DOCK5: variants seen among roughly 807,000 people sequenced by gnomAD.
The protein encoded by DOCK5 is dedicator of cytokinesis protein 5.
A neutral mutation model predicts 251.8 loss-of-function variants in DOCK5; 142 were observed. The ratio of observed to expected loss-of-function variants is 0.56; its 90% confidence interval spans 0.49 to 0.65. The LOEUF (loss-of-function observed/expected upper bound fraction) is 0.65, where lower values mean the gene tolerates loss of function less well. Ranked by LOEUF, DOCK5 falls within the 30% of genes least tolerant of loss-of-function variation. The pLI, the probability that DOCK5 is intolerant of heterozygous loss-of-function variation, is 0.00. For synonymous variants in DOCK5, 842 were observed against 835.5 expected, an observed-to-expected ratio of 1.01 and a Z score of -0.13; for missense variants, 2,111 against 2,312.3, an observed-to-expected ratio of 0.91 and a Z score of 1.79.
intron 11 of DOCK5, chr8:25,304,768 C>G (rs1804858003): frequency 6.5e-6 from 1 of 154,100 alleles, no homozygotes; most frequent in African/African-American, 2.4e-5. Context: ...CTGCCTCTGA[C>G]AAGCTCCCAG....
chr8:25,356,624 G>A (rs1162086271), intron 27 of DOCK5, among the ~76,000 whole-genome samples: 1 of 152,006 alleles, frequency 6.6e-6, no homozygotes, highest in African/African-American at 2.4e-5. Context: ...AGCCATGATC[G>A]CCACTGCACT....
At chr8:25,255,706 G>A (rs984621262) in intron 2 of DOCK5, among the ~76,000 whole-genome samples, 11 of 152,192 alleles carry the variant, frequency 7.2e-5, no homozygotes, top group Admixed American at 3.9e-4. Flanking sequence ...GTCAGTGTAG[G>A]TTTGATTGCA....
chr8:25,259,327 T>C (rs539223312), intron 2 of DOCK5, among the ~76,000 whole-genome samples: 27 of 152,250 alleles, frequency 1.8e-4, no homozygotes, highest in African/African-American at 6.5e-4. Flanking sequence ...TGGTATAAGG[T>C]AAAGCAATGA....
chr8:25,400,485 G>T (rs2117334307), intron 46 of DOCK5, among the ~76,000 whole-genome samples: 1 of 56,884 alleles, frequency 1.8e-5, no homozygotes, highest in South Asian at 7.0e-4. Context: ...GCAACAGAGT[G>T]AGACTCCATC....
chr8:25,268,766 C>A (rs1177653156), intron 2 of DOCK5, 79 bp from the exon 3 acceptor site: 27 of 1,206,856 alleles, frequency 2.2e-5, no homozygotes, highest in Non-Finnish European at 1.8e-5. Flanking sequence ...GCTAATAGAA[C>A]ATGAGAGTAT....
At chr8:25,394,836 A>G (rs2117325131) in intron 44 of DOCK5, among the ~76,000 whole-genome samples, 1 of 152,010 alleles carries the variant, frequency 6.6e-6, no homozygotes, top group African/African-American at 2.4e-5. Context: ...TCTTACCACT[A>G]TTCCAAAAAA....
At chr8:25,197,750 ATT>A (rs71214555) in intron 1 of DOCK5, among the ~76,000 whole-genome samples, 3 of 95,764 alleles carry the variant, frequency 3.1e-5, no homozygotes, top group Non-Finnish European at 6.2e-5. Context: ...TGCCAAGCTA[ATT>A]TTTTTTTTTT....
chr8:25,377,356 G>A lies in DOCK5; in HGVS notation c.3868G>A (p.Val1290Ile). Residue 1290 changes from valine to isoleucine, a missense_variant, in exon 38 of 52, where the codon GTT becomes ATT. Physicochemically the swap from Val to Ile is conservative, Grantham distance 29. This residue lies in a region of DOCK5 where 1,717 missense variants were observed against 1,892.4 expected (regional missense o/e 0.91). Coordinates refer to ENST00000276440, the MANE Select transcript of DOCK5 (RefSeq NM_024940.8). ...PHLLQKDSYYVYTQQELKEKL... is the reference protein window; with the variant it reads ...PHLLQKDSYYIYTQQELKEKL... ...TTTGCTTCAGAAGGACAGTTACTAT[G>A]TTTATACCCAGCAAGAGCTTAAAGA... 1 of 1,613,666 alleles carries A rather than the reference G, an allele frequency of 6.2e-7. No homozygotes were observed. The highest frequency in any genetic ancestry group is 8.5e-7 in the Non-Finnish European group (1 of 1,179,684).
At position 25,369,577 on chromosome 8, in the gene DOCK5, A is replaced by G; in HGVS notation, c.3460A>G (p.Lys1154Glu). 1 of 1,611,352 alleles carries G rather than the reference A, an allele frequency of 6.2e-7. No homozygotes were observed. The highest frequency in any genetic ancestry group is 8.5e-7 in the Non-Finnish European group (1 of 1,178,800). Residue 1154 changes from lysine (K) to glutamate (E), a missense_variant, in exon 34 of 52, where the codon AAG (lysine) becomes GAG (glutamate). Around this residue, in one of 3 missense-constraint regions of DOCK5, gnomAD observed 1,717 missense variants for 1,892.4 expected, o/e 0.91. Coordinates refer to ENST00000276440, the MANE Select transcript of DOCK5 (RefSeq NM_024940.8). ...FHMFENELIT[K>E]LDQEVEGGRG... Reference sequence around the variant, plus strand: ...TCAGTTTGAGAATGAGCTGATCACAAAGCTGGACCAGGAGGTAGAAGGGGG... The same window carrying G: ...TCAGTTTGAGAATGAGCTGATCACAGAGCTGGACCAGGAGGTAGAAGGGGG...
At chr8:25,274,994 G>A (rs1804006672) in intron 3 of DOCK5, among the ~76,000 whole-genome samples, 1 of 151,968 alleles carries the variant, frequency 6.6e-6, no homozygotes, top group Non-Finnish European at 1.5e-5. Flanking sequence ...TTATTTTATG[G>A]GCTACTGAGT....
At chr8:25,324,184 C>T (rs986483609) in intron 17 of DOCK5, among the ~76,000 whole-genome samples, 4 of 152,134 alleles carry the variant, frequency 2.6e-5, no homozygotes, top group African/African-American at 7.2e-5. Context: ...GCTCTCACCT[C>T]CTTAGACCTC....
Position 25,316,034 on chromosome 8 carries a change from T to G in DOCK5, c.1319-973T>G, listed in dbSNP as rs185842915. Among the ~76,000 whole-genome samples, 7 of 152,322 alleles carry G rather than the reference T, an allele frequency of 4.6e-5. No homozygotes were observed. In the East Asian group the frequency reaches 1.2e-3, roughly 25 times the overall value. ...ACTTCACATTTATTCCAAGTTTCTTTTATGTACCTCAATAACATTTAATAT... is the reference window on the plus strand; with the variant it reads ...ACTTCACATTTATTCCAAGTTTCTTGTATGTACCTCAATAACATTTAATAT... On this transcript the variant is annotated intron_variant, in intron 13 of 51. Coordinates refer to ENST00000276440, the MANE Select transcript of DOCK5 (RefSeq NM_024940.8).
intron 38 of DOCK5, among the ~76,000 whole-genome samples, chr8:25,379,521 CT>C (rs1450118424): frequency 6.6e-6 from 1 of 152,120 alleles, no homozygotes; most frequent in East Asian, 1.9e-4. Flanking sequence ...TTATTCTGTT[CT>C]TTTTCAAGGT....
intron 30 of DOCK5, among the ~76,000 whole-genome samples, chr8:25,365,071 C>T (rs895032714): frequency 5.3e-5 from 8 of 152,308 alleles, no homozygotes; most frequent in South Asian, 2.1e-4. Context: ...ACTCTCCTAC[C>T]GACAAATGAG....
At chr8:25,190,776 G>GTTTTTTTTTTTTTTT (rs71214554) in intron 1 of DOCK5, among the ~76,000 whole-genome samples, 1 of 63,412 alleles carries the variant, frequency 1.6e-5, no homozygotes, top group Non-Finnish European at 2.9e-5. Flanking sequence ...TTGGTCATGG[G>GTTTTTTTTTTTTTTT]TTTTTTTTTT....
At chr8:25,287,531 A>T (rs974111496) in intron 5 of DOCK5, among the ~76,000 whole-genome samples, 8 of 152,208 alleles carry the variant, frequency 5.3e-5, no homozygotes, top group African/African-American at 1.9e-4. Flanking sequence ...ATGCAGGAAT[A>T]TCTTTGCTAT....
intron 2 of DOCK5, among the ~76,000 whole-genome samples, chr8:25,259,754 C>A (rs1255739291): frequency 6.6e-6 from 1 of 152,162 alleles, no homozygotes; most frequent in Non-Finnish European, 1.5e-5. Context: ...AGCCACCGCA[C>A]CTGGCCTCCT....
intron 1 of DOCK5, among the ~76,000 whole-genome samples, chr8:25,218,182 C>A (rs770248780): frequency 6.6e-6 from 1 of 152,132 alleles, no homozygotes; most frequent in East Asian, 1.9e-4. Flanking sequence ...TTTCATGAAT[C>A]TTTTCTTCTA....
At chr8:25,307,210 C>G (rs1032390024) in intron 11 of DOCK5, among the ~76,000 whole-genome samples, 6 of 152,090 alleles carry the variant, frequency 3.9e-5, no homozygotes, top group African/African-American at 1.4e-4. Flanking sequence ...ACCTCACCTC[C>G]TGGGTTCAAG....
Sources: allele counts gnomAD v4.1 joint callset (sites outside exome capture counted in the v4.1 genomes callset), GRCh38; gene constraint gnomAD v4.1.1; regional missense constraint gnomAD v4.1.1; transcripts MANE v1.5; gene names NCBI Gene and HGNC (gene_info 2026-07-23, HGNC 2026-07-21).